Variants in CATSPERT observed in about 807,000 individuals in gnomAD.
The protein encoded by CATSPERT is catsper channel auxiliary subunit tau, also known as cation channel sperm-associated targeting subunit tau.
At chr2:201,536,518 T>G in the CATSPERT span, among the ~76,000 whole-genome samples, 2 of 151,958 alleles carry the variant, frequency 1.3e-5, no homozygotes, top group East Asian at 3.8e-4. Context: ...TGTAGAATAC[T>G]ATCCATAAAA....
chr2:201,525,398 C>A, the CATSPERT span, among the ~76,000 whole-genome samples: 1 of 152,100 alleles, frequency 6.6e-6, no homozygotes, highest in Non-Finnish European at 1.5e-5. Context: ...TCAAGAAATT[C>A]TTTGAAATTA....
At chr2:201,587,704 G>A in the CATSPERT span, among the ~76,000 whole-genome samples, 5 of 151,884 alleles carry the variant, frequency 3.3e-5, no homozygotes, top group East Asian at 9.8e-4. Context: ...TGAGTTTCTT[G>A]AATCTATGGA....
chr2:201,581,433 C>CATATATATATATATATATATATAT, the CATSPERT span, among the ~76,000 whole-genome samples: 2 of 77,168 alleles, frequency 2.6e-5, no homozygotes, highest in African/African-American at 1.1e-4. Context: ...TACTTAATTT[C>CATATATATATATATATATATATAT]ATATATATAT....
the CATSPERT span, among the ~76,000 whole-genome samples, chr2:201,596,639 G>A: frequency 6.6e-6 from 1 of 152,164 alleles, no homozygotes; most frequent in African/African-American, 2.4e-5. Flanking sequence ...TTGAGTGACA[G>A]TATCCCACCA....
chr2:201,580,176 T>C, the CATSPERT span, among the ~76,000 whole-genome samples: 1 of 152,220 alleles, frequency 6.6e-6, no homozygotes, highest in Non-Finnish European at 1.5e-5. Flanking sequence ...CGATAAGTCA[T>C]AGATAATACT....
chr2:201,500,672 C>T, the CATSPERT span, among the ~76,000 whole-genome samples: 1 of 152,122 alleles, frequency 6.6e-6, no homozygotes, highest in African/African-American at 2.4e-5. Context: ...GTAACATGCT[C>T]ATGCTGAAGA....
the CATSPERT span, among the ~76,000 whole-genome samples, chr2:201,521,457 G>GACAC: frequency 1.1e-4 from 17 of 150,878 alleles, no homozygotes; most frequent in Admixed American, 2.6e-4. Context: ...GAGAGAAAGA[G>GACAC]ACACACAGAG....
At chr2:201,618,773 G>C in the CATSPERT span, 1 of 672,192 alleles carries the variant, frequency 1.5e-6, no homozygotes, top group Non-Finnish European at 2.5e-6. Context: ...GGATTAAAGG[G>C]TTCAATGTGT....
chr2:201,527,911 A>T, the CATSPERT span, among the ~76,000 whole-genome samples: 1 of 152,074 alleles, frequency 6.6e-6, no homozygotes, highest in East Asian at 1.9e-4. Context: ...GACAAGTAGG[A>T]CCTAATAAAA....
the CATSPERT span, among the ~76,000 whole-genome samples, chr2:201,508,856 T>C: frequency 1.3e-5 from 2 of 152,162 alleles, no homozygotes; most frequent in African/African-American, 4.8e-5. Context: ...ATTGTATTTA[T>C]ATACCACAGT....
the CATSPERT span, chr2:201,537,470 A>G: frequency 6.3e-7 from 1 of 1,590,112 alleles, no homozygotes. Context: ...CTCATTTACA[A>G]GAGGGATATC....
the CATSPERT span, among the ~76,000 whole-genome samples, chr2:201,506,136 A>G: frequency 1.1e-4 from 17 of 152,042 alleles, no homozygotes; most frequent in African/African-American, 3.9e-4. Flanking sequence ...GGGCGGTGGC[A>G]GGCGCCTGTA....
chr2:201,572,070 T>C, the CATSPERT span: 15 of 1,372,800 alleles, frequency 1.1e-5, no homozygotes, highest in African/African-American at 2.1e-4. Context: ...CAATTAAAAC[T>C]CACTAATTGT....
chr2:201,590,682 C>A, the CATSPERT span, among the ~76,000 whole-genome samples: 25 of 152,262 alleles, frequency 1.6e-4, no homozygotes, highest in Non-Finnish European at 2.4e-4. Context: ...GCCATTCTAA[C>A]TGGTGTGAGA....
chr2:201,586,270 T>C, the CATSPERT span, among the ~76,000 whole-genome samples: 2 of 152,094 alleles, frequency 1.3e-5, no homozygotes, highest in Non-Finnish European at 2.9e-5. Context: ...CAGTTTTGAC[T>C]GCAGAGGGGG....
At chr2:201,520,915 C>A in the CATSPERT span, among the ~76,000 whole-genome samples, 1 of 148,738 alleles carries the variant, frequency 6.7e-6, no homozygotes, top group South Asian at 2.1e-4. Flanking sequence ...GAAGAAGAGA[C>A]ATCAAAATGG....
At chr2:201,566,382 T>C in the CATSPERT span, among the ~76,000 whole-genome samples, 136 of 111,504 alleles carry the variant, frequency 1.2e-3, no homozygotes, top group African/African-American at 4.1e-3. Context: ...CAGGCCCCAG[T>C]GTGTGATGTT....
the CATSPERT span, among the ~76,000 whole-genome samples, chr2:201,559,678 T>C: frequency 6.6e-6 from 1 of 152,200 alleles, no homozygotes; most frequent in Non-Finnish European, 1.5e-5. Context: ...ATATAGATTA[T>C]AGCCGAAAAA....
At chr2:201,531,353 C>G in the CATSPERT span, among the ~76,000 whole-genome samples, 108,465 of 151,818 alleles carry the variant, frequency 0.71, 39,332 homozygotes, top group East Asian at 0.96. Context: ...TAAGTAGTAA[C>G]AGCTCTAATT....
Sources: gnomAD v4.1 joint callset for allele counts (sites outside exome capture counted in the v4.1 genomes callset) on GRCh38, gnomAD v4.1.1 for gene constraint, MANE v1.5 for transcripts, NCBI Gene and HGNC (gene_info 2026-07-23, HGNC 2026-07-21) for gene names.